The following CRYBG1 variants were observed in gnomAD, a reference collection of about 807,000 sequenced individuals.
CRYBG1 encodes the protein beta/gamma crystallin domain-containing protein 1.
In CRYBG1, 139 loss-of-function variants were observed where a neutral mutation model predicts 189.2. The observed-to-expected ratio is 0.73, with a 90% CI of 0.64 to 0.85. The LOEUF (loss-of-function observed/expected upper bound fraction) is 0.85. CRYBG1 is among the 40% of genes least tolerant of loss of function. CRYBG1 has a pLI of 0.00. For missense variants in CRYBG1, 2,611 were observed against 2,675.8 expected (o/e 0.98, Z 0.53); for synonymous variants, 1,023 against 1,017.1 (o/e 1.01, Z -0.11).
chr6:106,425,582 G>A (rs1057121900), intron 1 of CRYBG1, among the ~76,000 whole-genome samples: 3 of 152,012 alleles, frequency 2.0e-5, no homozygotes, highest in South Asian at 2.1e-4. Context: ...ACTTTCTAAC[G>A]CAATGTGACT....
intron 4 of CRYBG1, among the ~76,000 whole-genome samples, chr6:106,523,800 G>C (rs1466090001): frequency 1.3e-5 from 2 of 150,710 alleles, no homozygotes; most frequent in African/African-American, 4.9e-5. Context: ...CATGATCTCA[G>C]CTCACTGCAA....
intron 1 of CRYBG1, among the ~76,000 whole-genome samples, chr6:106,425,926 C>A (rs1163388187): frequency 6.6e-6 from 1 of 152,188 alleles, no homozygotes; most frequent in Non-Finnish European, 1.5e-5. Flanking sequence ...GTGTGAGCCA[C>A]CGCTCCCAGC....
At chr6:106,464,283 A>G (rs1772068699) in intron 2 of CRYBG1, among the ~76,000 whole-genome samples, 1 of 152,214 alleles carries the variant, frequency 6.6e-6, no homozygotes, top group African/African-American at 2.4e-5. Context: ...TCACAAGGTC[A>G]GGAGTTCAAG....
At chr6:106,550,451 C>T (rs1439397021) in intron 13 of CRYBG1, among the ~76,000 whole-genome samples, 1 of 152,062 alleles carries the variant, frequency 6.6e-6, no homozygotes, top group Non-Finnish European at 1.5e-5. Flanking sequence ...ACTGAAAAAC[C>T]TTTTCCTTTC....
intron 1 of CRYBG1, among the ~76,000 whole-genome samples, chr6:106,361,974 T>TTCTTTCTTTC (rs1562285541): frequency 7.8e-6 from 1 of 128,126 alleles, no homozygotes; most frequent in African/African-American, 3.3e-5. Flanking sequence ...TCTTTCTTTT[T>TTCTTTCTTTC]TTTTTTTTTT....
chr6:106,406,367 T>A (rs1770822615), intron 1 of CRYBG1, among the ~76,000 whole-genome samples: 1 of 152,072 alleles, frequency 6.6e-6, no homozygotes, highest in South Asian at 2.1e-4. Context: ...CTACAAGAAG[T>A]ATGGGCCTAT....
intron 1 of CRYBG1, among the ~76,000 whole-genome samples, chr6:106,436,964 T>G (rs1275496635): frequency 1.3e-5 from 2 of 151,616 alleles, no homozygotes; most frequent in African/African-American, 4.8e-5. Context: ...ATTTTAAAAT[T>G]GTATCCCAAG....
intron 9 of CRYBG1, 36 bp from the exon 10 acceptor site, chr6:106,541,550 G>GA (rs1265765881): frequency 3.2e-5 from 52 of 1,600,648 alleles, no homozygotes; most frequent in Non-Finnish European, 4.0e-5. Context: ...ATGTATCAGT[G>GA]AAAAACTATT....
At chr6:106,566,893 T>A (rs1774904434) in intron 21 of CRYBG1, among the ~76,000 whole-genome samples, 1 of 152,230 alleles carries the variant, frequency 6.6e-6, no homozygotes, top group Admixed American at 6.5e-5. Flanking sequence ...CTAGCTCATC[T>A]TCTTGTGTTT....
intron 16 of CRYBG1, among the ~76,000 whole-genome samples, chr6:106,554,695 C>T (rs1774491960): frequency 1.3e-5 from 2 of 152,152 alleles, no homozygotes; most frequent in South Asian, 4.1e-4. Context: ...CCCCACTCCT[C>T]GTTATCCCCT....
At chr6:106,383,966 C>A (rs1315541549) in intron 1 of CRYBG1, among the ~76,000 whole-genome samples, 4 of 152,212 alleles carry the variant, frequency 2.6e-5, no homozygotes, top group African/African-American at 9.6e-5. Flanking sequence ...AAAAAAGAAG[C>A]TTCCTTGTTC....
At chr6:106,514,236 C>G (rs1041469824) in intron 3 of CRYBG1, among the ~76,000 whole-genome samples, 2 of 152,188 alleles carry the variant, frequency 1.3e-5, no homozygotes, top group South Asian at 2.1e-4. Flanking sequence ...CTTCTGCTCC[C>G]TCACCACTCC....
intron 1 of CRYBG1, among the ~76,000 whole-genome samples, chr6:106,406,260 G>A (rs904290176): frequency 1.3e-5 from 2 of 152,120 alleles, no homozygotes; most frequent in Non-Finnish European, 2.9e-5. Flanking sequence ...AATCGATCAA[G>A]TGGAAGAAAG....
chr6:106,539,434 G>T lies in CRYBG1; in HGVS notation c.4750G>T (p.Gly1584Cys), dbSNP rs1049657063. Residue 1584 changes from glycine to cysteine, a missense_variant, in exon 9 of 22, where the codon GGT becomes TGT. Coordinates refer to ENST00000633556, the MANE Select transcript of CRYBG1 (RefSeq NM_001371242.2). ...GATTTATGAAGAACCTGGATTTCAG[G>T]GTGTTCCTTTCATCCTGGAACCTGG... ...WLIYEEPGFQGVPFILEPGEY... is the reference protein window; with the variant it reads ...WLIYEEPGFQCVPFILEPGEY... 2.5e-6 allele frequency: 4 copies of T among 1,613,850 alleles called. No homozygotes were observed. Among genetic ancestry groups the T allele is most frequent in the Non-Finnish European group, 3.4e-6 (4 of 1,179,940 alleles).
intron 1 of CRYBG1, among the ~76,000 whole-genome samples, chr6:106,450,675 T>C (rs962491964): frequency 6.6e-6 from 1 of 152,216 alleles, no homozygotes; most frequent in Non-Finnish European, 1.5e-5. Context: ...CCTCTCTGCT[T>C]TTTCCTCAAT....
chr6:106,426,744 C>T (rs1428634479), intron 1 of CRYBG1, among the ~76,000 whole-genome samples: 2 of 152,124 alleles, frequency 1.3e-5, no homozygotes, highest in African/African-American at 4.8e-5. Flanking sequence ...GAAGAATGCA[C>T]CAGGCATGCT....
chr6:106,558,373 A>C (rs1389751815), intron 17 of CRYBG1, 113 bp from the exon 18 acceptor site: 1 of 883,906 alleles, frequency 1.1e-6, no homozygotes, highest in Non-Finnish European at 1.7e-6. Context: ...GTTTATGGAA[A>C]GGCCAAATCT....
chr6:106,555,144 G>A (rs148423155), intron 16 of CRYBG1, among the ~76,000 whole-genome samples: 1,581 of 149,830 alleles, frequency 0.011, 32 homozygotes, highest in African/African-American at 0.037. Context: ...CAGCCTGTGT[G>A]ACAGAGCGAG....
intron 1 of CRYBG1, among the ~76,000 whole-genome samples, chr6:106,447,780 A>G (rs996364704): frequency 2.0e-5 from 3 of 152,102 alleles, no homozygotes; most frequent in African/African-American, 2.4e-5. Context: ...ATAAGCCCCT[A>G]TGTCTACTAG....
Sources: allele counts gnomAD v4.1 joint callset (sites outside exome capture counted in the v4.1 genomes callset), GRCh38; gene constraint gnomAD v4.1.1; transcripts MANE v1.5; gene names NCBI Gene and HGNC (gene_info 2026-07-23, HGNC 2026-07-21).